Variants in UBE3C observed in about 807,000 individuals in gnomAD.
The protein encoded by UBE3C is ubiquitin protein ligase E3C.
Under a neutral mutation model 129.4 loss-of-function variants are expected in UBE3C, and 42 were observed. The ratio of observed to expected loss-of-function variants is 0.32; its 90% CI spans 0.25 to 0.42. The LOEUF is 0.42. UBE3C is among the 10% of genes least tolerant of loss of function. The pLI is 1.00. For missense variants in UBE3C, 1,049 were observed against 1,319.1 expected, an observed-to-expected ratio of 0.80 and a Z score of 3.17; for synonymous variants, 510 against 492.4, an observed-to-expected ratio of 1.04 and a Z score of -0.47.
intron 17 of UBE3C, among the ~76,000 whole-genome samples, chr7:157,229,651 T>TG (rs1001373509): frequency 1.3e-5 from 2 of 150,662 alleles, no homozygotes; most frequent in Non-Finnish European, 3.0e-5. Context: ...ATTTTAGAGA[T>TG]GGGGGTCTCA....
intron 18 of UBE3C, among the ~76,000 whole-genome samples, chr7:157,246,332 C>T (rs147226419): frequency 6.6e-5 from 10 of 152,334 alleles, no homozygotes; most frequent in Non-Finnish European, 1.2e-4. Context: ...ACAGTTGAAA[C>T]GTTTCTCCTT....
Position 157,189,154 on chromosome 7 carries a change from C to T in UBE3C, c.1331+2133C>T, listed in dbSNP as rs150653857. ...CAAGAAACTCATGAAAGTGAACACTCGTGTCTGAATATGCCGAGGAAGCTG... is the reference window on the plus strand; with the variant it reads ...CAAGAAACTCATGAAAGTGAACACTTGTGTCTGAATATGCCGAGGAAGCTG... On this transcript the variant is annotated intron_variant, in intron 10 of 22. Coordinates refer to ENST00000348165, the MANE Select transcript of UBE3C (RefSeq NM_014671.3). 5.0e-4 allele frequency: 198 copies of T among 396,576 alleles called. 1 individual carries two copies. The highest frequency in any genetic ancestry group is 3.6e-3 in the African/African-American group (176 of 49,010). 24.6% of individuals were successfully genotyped at this position (396,576 alleles called of 1,614,324 possible).
intron 17 of UBE3C, among the ~76,000 whole-genome samples, chr7:157,226,432 T>C (rs1795881460): frequency 6.6e-6 from 1 of 152,220 alleles, no homozygotes; most frequent in African/African-American, 2.4e-5. Context: ...GTGCTTATGG[T>C]AATACATTAA....
rs111673497 is a variant in UBE3C, at chr7:157,207,951, A to AT, written c.1809+23dup. ...GTTATTTAAGGTATAGAGTATATGT[A>AT]TTTTTTTGTTTACTGACATTGAAAA... On this transcript the variant is annotated intron_variant, in intron 13 of 22. Transcript: ENST00000348165. 8.0e-6 allele frequency: 11 copies of AT among 1,378,646 alleles called. No homozygotes were observed. The East Asian group carries it at 1.6e-4, about 21-fold the overall frequency. 85.4% of individuals were successfully genotyped at this position (1,378,646 alleles called of 1,614,324 possible).
At chr7:157,141,789 C>G (rs1807459375) in intron 1 of UBE3C, among the ~76,000 whole-genome samples, 1 of 152,178 alleles carries the variant, frequency 6.6e-6, no homozygotes, top group Non-Finnish European at 1.5e-5. Context: ...TCGTTTGTGC[C>G]CGGCTGCTTT....
At chr7:157,160,169 G>T (rs1339860456) in intron 1 of UBE3C, among the ~76,000 whole-genome samples, 4 of 151,730 alleles carry the variant, frequency 2.6e-5, no homozygotes, top group Non-Finnish European at 5.9e-5. Context: ...CTGCCTCCCA[G>T]GTTCAAGTGA....
intron 5 of UBE3C, 103 bp downstream of exon 5, chr7:157,175,137 C>CA: frequency 4.0e-6 from 1 of 249,752 alleles, no homozygotes; most frequent in Non-Finnish European, 6.2e-6. Context: ...CTTTTCCATA[C>CA]TTTTTTTTTT....
At chr7:157,192,425 T>C in intron 10 of UBE3C, 1 of 726,078 alleles carries the variant, frequency 1.4e-6, no homozygotes. Flanking sequence ...GGTTGAACCC[T>C]TGGATATGAT....
chr7:157,205,944 G>A (rs1809421723), intron 11 of UBE3C, among the ~76,000 whole-genome samples: 1 of 152,194 alleles, frequency 6.6e-6, no homozygotes, highest in Non-Finnish European at 1.5e-5. Flanking sequence ...CCGCTAATTA[G>A]AACAAGTGGC....
intron 6 of UBE3C, among the ~76,000 whole-genome samples, chr7:157,180,423 A>G (rs1036699789): frequency 6.6e-6 from 1 of 152,240 alleles, no homozygotes; most frequent in East Asian, 1.9e-4. Flanking sequence ...TTCACTAGTT[A>G]TCAGTATACA....
intron 11 of UBE3C, among the ~76,000 whole-genome samples, chr7:157,206,752 C>G (rs779017169): frequency 1.7e-4 from 25 of 150,604 alleles, no homozygotes; most frequent in Non-Finnish European, 1.3e-4. Flanking sequence ...ATCACCACAC[C>G]TGGCTAATTA....
chr7:157,157,789 A>G, intron 1 of UBE3C, among the ~76,000 whole-genome samples: 1 of 152,146 alleles, frequency 6.6e-6, no homozygotes, highest in Non-Finnish European at 1.5e-5. Context: ...AGCCTGGCCA[A>G]CGTGGTGAAA....
chr7:157,238,618 T>C (rs754528257), intron 18 of UBE3C, among the ~76,000 whole-genome samples: 1 of 152,014 alleles, frequency 6.6e-6, no homozygotes, highest in Non-Finnish European at 1.5e-5. Context: ...GGCATTCTTA[T>C]GGAGGCTTAG....
chr7:157,241,350 A>G (rs1265932519), intron 18 of UBE3C, among the ~76,000 whole-genome samples: 1 of 152,246 alleles, frequency 6.6e-6, no homozygotes, highest in Non-Finnish European at 1.5e-5. Context: ...ACACTGAAAG[A>G]GAAGATACTT....
At chr7:157,234,856 C>T (rs1036923407) in intron 18 of UBE3C, among the ~76,000 whole-genome samples, 2 of 152,158 alleles carry the variant, frequency 1.3e-5, no homozygotes, top group Non-Finnish European at 2.9e-5. Flanking sequence ...TCAGTTTCAG[C>T]TTCCCCTGGA....
chr7:157,237,366 G>A (rs1052074795), intron 18 of UBE3C, among the ~76,000 whole-genome samples: 3 of 152,164 alleles, frequency 2.0e-5, no homozygotes, highest in East Asian at 2.0e-4. Context: ...GCGTGAACCC[G>A]GGAGGCGGAG....
intron 2 of UBE3C, among the ~76,000 whole-genome samples, chr7:157,168,392 T>G (rs1808275854): frequency 6.6e-6 from 1 of 151,664 alleles, no homozygotes; most frequent in South Asian, 2.1e-4. Context: ...GGTATTGCCA[T>G]TTTGGAAAAC....
At position 157,248,531 on chromosome 7, in the gene UBE3C, A is replaced by C; in HGVS notation, c.2645A>C (p.Glu882Ala). ...AAGAGCTACGAAGACGATGTGGAGG[A>C]GCTTGGGCTGAACTTCACTGTGGTG... ...FLKSYEDDVE[E>A]LGLNFTVVNN... is the part of the protein sequence containing the mutation. Residue 882 changes from glutamate (E) to alanine (A), a missense_variant, in exon 19 of 23, where the codon GAG becomes GCG. Physicochemically the swap from Glu to Ala is moderately radical, Grantham distance 107. Around this residue, in one of 4 missense-constraint regions of UBE3C, gnomAD observed 243 missense variants for 368.7 expected, o/e 0.66. Transcript: ENST00000348165. 1 of 1,612,844 alleles carries C rather than the reference A, an allele frequency of 6.2e-7. No individual in the cohort carries two copies. Among genetic ancestry groups the C allele is most frequent in the African/African-American group, 1.3e-5 (1 of 74,964 alleles).
chr7:157,170,953 T>G (rs1808351287), intron 4 of UBE3C, among the ~76,000 whole-genome samples: 1 of 152,030 alleles, frequency 6.6e-6, no homozygotes, highest in African/African-American at 2.4e-5. Flanking sequence ...ACTACAGGTG[T>G]GTGTACACCT....
Sources: allele counts gnomAD v4.1 joint callset (sites outside exome capture counted in the v4.1 genomes callset), GRCh38; gene constraint gnomAD v4.1.1; regional missense constraint gnomAD v4.1.1; transcripts MANE v1.5; gene names NCBI Gene and HGNC (gene_info 2026-07-23, HGNC 2026-07-21).